HERC5: variants seen among roughly 807,000 people sequenced by gnomAD.
HERC5 encodes HECT and RLD domain containing E3 ubiquitin protein ligase 5.
HERC5 carries 99 observed loss-of-function variants against 119.6 expected under a neutral mutation model. The ratio of observed to expected loss-of-function variants is 0.83; its 90% CI spans 0.70 to 0.98. The LOEUF (loss-of-function observed/expected upper bound fraction) is 0.98, where lower values mean the gene tolerates loss of function less well. Ranked by LOEUF, HERC5 falls within the 50% of genes least tolerant of loss-of-function variation. The pLI is 0.00. For missense variants in HERC5, 1,267 were observed against 1,241.3 expected, an observed-to-expected ratio of 1.02 and a Z score of -0.31; for synonymous variants, 478 against 445.9, an observed-to-expected ratio of 1.07 and a Z score of -0.91.
rs1345200164 is a variant in HERC5, at chr4:88,463,849, C to T, written c.781-6C>T. ...TAGCATCTGATATGACATTCCCTTT[C>T]CTTAGGATGGGCTGCTGTTTACTTT... On this transcript the variant is annotated splice_polypyrimidine_tract_variant and splice_region_variant and intron_variant, in intron 5 of 22. Transcript: ENST00000264350. 6.2e-7 allele frequency: 1 copy of T among 1,613,042 alleles called. No individual in the cohort carries two copies. The highest frequency in any genetic ancestry group is 8.5e-7 in the Non-Finnish European group (1 of 1,179,754).
Position 88,469,271 on chromosome 4 carries a change from C to T in HERC5, c.1238+11C>T, listed in dbSNP as rs371616410. On this transcript the variant is annotated intron_variant, in intron 9 of 22. Transcript: ENST00000264350. Reference sequence around the variant, plus strand: ...GCAGAGCACAAAAAGGTACACCCCACAGTCTGACTCTCTGCTTATATATCA... The same window carrying T: ...GCAGAGCACAAAAAGGTACACCCCATAGTCTGACTCTCTGCTTATATATCA... 6 of 1,539,230 alleles carry T rather than the reference C, an allele frequency of 3.9e-6. No individual in the cohort carries two copies. Among genetic ancestry groups the T allele is most frequent in the Non-Finnish European group, 5.4e-6 (6 of 1,112,094 alleles).
At chr4:88,480,548 G>T (rs1301956023) in intron 13 of HERC5, among the ~76,000 whole-genome samples, 1 of 151,506 alleles carries the variant, frequency 6.6e-6, no homozygotes, top group African/African-American at 2.4e-5. Flanking sequence ...ATTGGTTCTG[G>T]GTTTCATACC....
chr4:88,461,827 C>T (rs1014620907), intron 3 of HERC5, among the ~76,000 whole-genome samples: 1 of 151,904 alleles, frequency 6.6e-6, no homozygotes. Flanking sequence ...TTCATGGGCC[C>T]GTCCTCTGAG....
Position 88,505,775 on chromosome 4 carries a change from C to T in HERC5, c.2972C>T (p.Ala991Val), listed in dbSNP as rs749837998. The change falls in exon 23 of 23, where the codon GCA becomes GTA. Residue 991 changes from alanine (A) to valine (V), a missense_variant. By Grantham distance (64) the Ala-to-Val change is moderately conservative (BLOSUM62 0). This residue lies in a region of HERC5 where 473 missense variants were observed against 445.7 expected (regional missense o/e 1.06). Coordinates refer to ENST00000264350, the MANE Select transcript of HERC5 (RefSeq NM_016323.4). The part of the protein sequence containing the change: ...ESWNERDPIR[A>V]LTCFSVLFLP... Reference sequence around the variant, plus strand: ...TGGAATGAAAGAGACCCTATAAGAGCACTGACATGTTTCAGTGTCCTCTTC... The same window carrying T: ...TGGAATGAAAGAGACCCTATAAGAGTACTGACATGTTTCAGTGTCCTCTTC... The T allele has an allele frequency of 6.2e-7, 1 of 1,609,830 alleles. No individual in the cohort carries two copies. Among genetic ancestry groups the T allele is most frequent in the South Asian group, 1.1e-5 (1 of 90,978 alleles).
intron 12 of HERC5, 110 bp from the exon 13 acceptor site, chr4:88,479,243 C>T (rs1741189483): frequency 1.4e-6 from 1 of 726,338 alleles, no homozygotes; most frequent in Non-Finnish European, 2.1e-6. Context: ...TGAGATCGTG[C>T]CACTGCACTC....
At chr4:88,466,114 T>TTTTTTTTTTTTTTA in intron 6 of HERC5, among the ~76,000 whole-genome samples, 1 of 149,968 alleles carries the variant, frequency 6.7e-6, no homozygotes. Flanking sequence ...TGAGACAAGG[T>TTTTTTTTTTTTTTA]CTCACTCTGT....
chr4:88,474,225 T>C (rs955706592), intron 11 of HERC5, among the ~76,000 whole-genome samples: 7 of 152,230 alleles, frequency 4.6e-5, no homozygotes, highest in Non-Finnish European at 7.3e-5. Flanking sequence ...TGGCTTAGAA[T>C]GTAGCCTGTG....
chr4:88,472,277 G>C (rs1190610851), intron 10 of HERC5, 132 bp from the exon 11 acceptor site: 1 of 633,918 alleles, frequency 1.6e-6, no homozygotes, highest in East Asian at 2.6e-5. Context: ...ATTGCATTTG[G>C]ATTTAGACAA....
chr4:88,492,907 C>T (rs528116144), intron 16 of HERC5, 105 bp from the exon 17 acceptor site: 11 of 1,085,716 alleles, frequency 1.0e-5, no homozygotes, highest in Non-Finnish European at 1.5e-5. Context: ...CTTCCAAATA[C>T]TTGGGTCCAC....
In HERC5 at chr4:88,493,001, T is replaced by C; in HGVS notation, c.2134-11T>C. The stretch of plus-strand genomic sequence containing the variant: ...CCTGGAAGTGATGTATTATTTGCTC[T>C]GTTTCCTCAGGTTTCATTTAGTGGA... On this transcript the variant is annotated splice_polypyrimidine_tract_variant and intron_variant, in intron 16 of 22. Transcript: ENST00000264350. 1 of 1,613,022 alleles carries C rather than the reference T, an allele frequency of 6.2e-7. No homozygotes were observed. The highest frequency in any genetic ancestry group is 8.5e-7 in the Non-Finnish European group (1 of 1,179,540).
In HERC5 at chr4:88,467,188, T is replaced by G; in HGVS notation, c.1041T>G (p.Ser347Arg). ...LMPLPVKVSS[S>R]EELKLESHTS... ...CGCTTCCAGTGAAAGTATCATCAAG[T>G]GAAGAACTCAAACTTGGTAAATTCT... The change falls in exon 7 of 23, where the codon AGT (serine) becomes AGG (arginine). Residue 347 changes from serine (S) to arginine (R), a missense_variant. Physicochemically the swap from Ser to Arg is moderately radical, Grantham distance 110 (BLOSUM62 -1). Around this residue, in one of 3 missense-constraint regions of HERC5, gnomAD observed 777 missense variants for 758.0 expected, o/e 1.03. Transcript: ENST00000264350. The G allele has an allele frequency of 6.2e-7, 1 of 1,614,158 alleles. No homozygotes were observed. The highest frequency in any genetic ancestry group is 2.2e-5 in the East Asian group (1 of 44,884).
chr4:88,501,406 T>A (rs1473735333), intron 20 of HERC5, among the ~76,000 whole-genome samples: 4 of 152,224 alleles, frequency 2.6e-5, no homozygotes, highest in Middle Eastern at 3.2e-3. Flanking sequence ...TAGTCTACAG[T>A]GGTGCCTGAT....
intron 20 of HERC5, among the ~76,000 whole-genome samples, chr4:88,503,320 T>C (rs1742000955): frequency 6.6e-6 from 1 of 152,204 alleles, no homozygotes; most frequent in African/African-American, 2.4e-5. Flanking sequence ...CTCCATTTGT[T>C]TAAATCGTCT....
rs376578004 is a variant in HERC5, at chr4:88,470,721, G to A, written c.1298+48G>A. The A allele has an allele frequency of 4.2e-5, 34 of 816,856 alleles. No individual in the cohort carries two copies. In the Admixed American group the frequency reaches 4.4e-4, roughly 11 times the overall value. 50.6% of individuals were successfully genotyped at this position (816,856 alleles called of 1,614,324 possible). A position where few individuals can be genotyped will look rare whatever the true frequency, so the allele number is the denominator to read the frequency against. On this transcript the variant is annotated intron_variant, in intron 10 of 22. Coordinates refer to ENST00000264350, the MANE Select transcript of HERC5 (RefSeq NM_016323.4). ...TGTATTAAATTGTATTAAGAGTACC[G>A]TGAAAGAGGATAAAAAAATGATTGG...
chr4:88,469,820 T>C (rs1262011886), intron 9 of HERC5, among the ~76,000 whole-genome samples: 1 of 152,212 alleles, frequency 6.6e-6, no homozygotes, highest in Non-Finnish European at 1.5e-5. Flanking sequence ...AGTTGACATA[T>C]AAAACTAACC....
chr4:88,458,113 G>T, intron 1 of HERC5: 1 of 979,390 alleles, frequency 1.0e-6, no homozygotes, highest in Non-Finnish European at 1.2e-6. Flanking sequence ...TCGGTAAATT[G>T]CCTGTTTATC....
rs912940515 is a variant in HERC5 at position 88,500,507 on chromosome 4, C to T, written c.2512-408C>T. 2.6e-5 allele frequency among the ~76,000 whole-genome samples: 4 copies of T among 152,222 alleles called. No individual in the cohort carries two copies. In the East Asian group the frequency reaches 7.7e-4, roughly 29 times the overall value. On this transcript the variant is annotated intron_variant, in intron 19 of 22. Coordinates refer to ENST00000264350, the MANE Select transcript of HERC5 (RefSeq NM_016323.4). The stretch of plus-strand genomic sequence containing the variant: ...AAATAAAGTACCTCACATGGCCATG[C>T]CGAGATTCAGTGGCTGAAGAGATAG...
intron 12 of HERC5, among the ~76,000 whole-genome samples, chr4:88,478,653 C>T (rs1741166727): frequency 6.6e-6 from 1 of 151,980 alleles, no homozygotes; most frequent in Non-Finnish European, 1.5e-5. Flanking sequence ...ACTCTGTCAC[C>T]CAGGTTGGAG....
Position 88,506,083 on chromosome 4 carries a change from C to G in HERC5, c.*205C>G. 1 of 570,686 alleles carries G rather than the reference C, an allele frequency of 1.8e-6. No individual in the cohort carries two copies. Among genetic ancestry groups the G allele is most frequent in the South Asian group, 2.4e-5 (1 of 42,002 alleles). The allele number at this position is 570,686 out of a possible 1,614,324, so 35.4% of individuals were successfully genotyped here. On this transcript the variant is annotated 3_prime_UTR_variant, in exon 23 of 23. Transcript: ENST00000264350. ...TAGAACCCGTGACTGTATTCTCTCC[C>G]TTGGATACCCCTATGCCTACATCAT...
Sources: gnomAD v4.1 joint callset for allele counts (sites outside exome capture counted in the v4.1 genomes callset) on GRCh38, gnomAD v4.1.1 for gene constraint, gnomAD v4.1.1 regional missense constraint, MANE v1.5 for transcripts, NCBI Gene and HGNC (gene_info 2026-07-23, HGNC 2026-07-21) for gene names.